Variants in MTREX observed in about 807,000 individuals in gnomAD.
MTREX encodes exosome RNA helicase MTR4.
A neutral mutation model predicts 135.4 loss-of-function variants in MTREX; 76 were observed. That is an observed-to-expected ratio of 0.56 (90% confidence interval 0.47 to 0.68). MTREX has a LOEUF of 0.68. Ranked by LOEUF, MTREX falls within the 30% of genes least tolerant of loss-of-function variation. The probability of loss-of-function intolerance (pLI) is 0.00; values close to 1 mark genes in which losing one functional copy is unlikely to be tolerated. For synonymous variants in MTREX, 404 were observed against 401.6 expected, an observed-to-expected ratio of 1.01 and a Z score of -0.07; for missense variants, 920 against 1,262.1, an observed-to-expected ratio of 0.73 and a Z score of 4.11.
intron 18 of MTREX, among the ~76,000 whole-genome samples, chr5:55,380,607 T>C (rs116592714): frequency 6.6e-6 from 1 of 152,350 alleles, no homozygotes; most frequent in Non-Finnish European, 1.5e-5. Context: ...TTAACATGAC[T>C]GGATTTCTGA....
At chr5:55,417,095 T>G (rs1440915262) in intron 25 of MTREX, among the ~76,000 whole-genome samples, 1 of 152,158 alleles carries the variant, frequency 6.6e-6, no homozygotes, top group Non-Finnish European at 1.5e-5. Flanking sequence ...AATGTTAAAG[T>G]TTATAGCACA....
intron 18 of MTREX, among the ~76,000 whole-genome samples, chr5:55,386,528 A>C (rs545358298): frequency 6.6e-6 from 1 of 152,280 alleles, no homozygotes; most frequent in South Asian, 2.1e-4. Flanking sequence ...ACAATTTAGA[A>C]GGCTTCCTAT....
chr5:55,349,199 T>TTC (rs1185252875), intron 11 of MTREX, among the ~76,000 whole-genome samples: 4 of 151,366 alleles, frequency 2.6e-5, no homozygotes, highest in Admixed American at 6.6e-5. Flanking sequence ...TTTTTTTTTT[T>TTC]TTTCTGAGAT....
chr5:55,402,443 T>C (rs1225267924), intron 21 of MTREX, among the ~76,000 whole-genome samples: 1 of 152,168 alleles, frequency 6.6e-6, no homozygotes, highest in Admixed American at 6.5e-5. Flanking sequence ...GACTTGAGCG[T>C]GATTGAATGA....
At chr5:55,332,794 A>G (rs918008708) in intron 5 of MTREX, among the ~76,000 whole-genome samples, 4 of 152,198 alleles carry the variant, frequency 2.6e-5, no homozygotes, top group Admixed American at 6.5e-5. Context: ...TTAAATTTCT[A>G]CATACATTTC....
intron 25 of MTREX, among the ~76,000 whole-genome samples, chr5:55,417,816 A>G (rs1226386905): frequency 6.6e-6 from 1 of 152,234 alleles, no homozygotes; most frequent in African/African-American, 2.4e-5. Flanking sequence ...CAATACTCAT[A>G]TTTGTATAAT....
intron 19 of MTREX, among the ~76,000 whole-genome samples, chr5:55,396,509 A>G (rs1750649469): frequency 6.6e-6 from 1 of 152,218 alleles, no homozygotes; most frequent in African/African-American, 2.4e-5. Flanking sequence ...AGGAAGAAAG[A>G]AAAAACACCC....
intron 19 of MTREX, among the ~76,000 whole-genome samples, chr5:55,396,868 A>C (rs1156928776): frequency 3.3e-5 from 5 of 152,212 alleles, no homozygotes; most frequent in African/African-American, 1.2e-4. Flanking sequence ...AGAGCAGTTG[A>C]AAGGAAGCAA....
intron 6 of MTREX, 59 bp downstream of exon 6, chr5:55,340,243 C>G: frequency 7.6e-7 from 1 of 1,311,084 alleles, no homozygotes; most frequent in Non-Finnish European, 1.0e-6. Flanking sequence ...TGTGACTATT[C>G]AGTTAGAACC....
At chr5:55,328,625 T>C in intron 4 of MTREX, 74 bp from the exon 5 acceptor site, 1 of 986,368 alleles carries the variant, frequency 1.0e-6, no homozygotes, top group Non-Finnish European at 1.6e-6. Flanking sequence ...GGTAGCCTGC[T>C]TGTGTTTTGA....
chr5:55,409,868 C>T (rs1266824635), intron 22 of MTREX, among the ~76,000 whole-genome samples: 3 of 152,112 alleles, frequency 2.0e-5, no homozygotes, highest in Non-Finnish European at 2.9e-5. Context: ...TTTAAAGGCT[C>T]TTGCCCATCT....
intron 15 of MTREX, among the ~76,000 whole-genome samples, chr5:55,360,008 T>C (rs1020681718): frequency 1.3e-5 from 2 of 152,160 alleles, no homozygotes; most frequent in Non-Finnish European, 2.9e-5. Context: ...TTCATAGAGT[T>C]TTGTCACCAT....
In MTREX at chr5:55,415,998, C is replaced by T. The variant is rs1338638309; in HGVS notation, c.2837C>T (p.Ser946Leu). 1 of 1,590,580 alleles carries T rather than the reference C, an allele frequency of 6.3e-7. No individual in the cohort carries two copies. The highest frequency in any genetic ancestry group is 1.4e-5 in the African/African-American group (1 of 73,076). ...TGTGCTAAAAGAATTGCAAAAGTTT[C>T]AGCAGAAGCCAAATTGGAAATTGAT... ...QECAKRIAKV[S>L]AEAKLEIDEE... The change falls in exon 25 of 27, where the codon TCA becomes TTA. Residue 946 changes from serine (S) to leucine (L), a missense_variant. By Grantham distance (145) the Ser-to-Leu change is moderately radical. Coordinates refer to ENST00000230640, the MANE Select transcript of MTREX (RefSeq NM_015360.5).
At chr5:55,319,539 G>A (rs1279731152) in intron 1 of MTREX, among the ~76,000 whole-genome samples, 1 of 152,120 alleles carries the variant, frequency 6.6e-6, no homozygotes, top group Non-Finnish European at 1.5e-5. Context: ...GGGCTTAATG[G>A]CCAATTTGGT....
In MTREX at chr5:55,397,328, T is replaced by C. The variant is rs183624446; in HGVS notation, c.2182-88T>C. On this transcript the variant is annotated intron_variant, in intron 19 of 26. Coordinates refer to ENST00000230640, the MANE Select transcript of MTREX (RefSeq NM_015360.5). Reference sequence around the variant, plus strand: ...ACCTGTTACATACCATAAATGCAACTTCCTCTTTAGGGATCCAAGTTTAGG... The same window carrying C: ...ACCTGTTACATACCATAAATGCAACCTCCTCTTTAGGGATCCAAGTTTAGG... 60 of 741,940 alleles carry C rather than the reference T, an allele frequency of 8.1e-5. 1 individual carries two copies. The East Asian group carries it at 9.5e-4, about 12-fold the overall frequency. The allele number at this position is 741,940 out of a possible 1,614,324, so 46.0% of individuals were successfully genotyped here.
intron 18 of MTREX, among the ~76,000 whole-genome samples, chr5:55,380,634 T>A (rs531024751): frequency 6.6e-6 from 1 of 152,334 alleles, no homozygotes; most frequent in African/African-American, 2.4e-5. Flanking sequence ...TCCCAGTTTG[T>A]CATGATATAT....
intron 21 of MTREX, among the ~76,000 whole-genome samples, chr5:55,401,995 A>C: frequency 6.6e-6 from 1 of 152,168 alleles, no homozygotes; most frequent in East Asian, 1.9e-4. Flanking sequence ...CAGATGTTTC[A>C]TTTTAACTTT....
chr5:55,372,551 A>T (rs1343284816), intron 16 of MTREX, among the ~76,000 whole-genome samples: 1 of 152,176 alleles, frequency 6.6e-6, no homozygotes, highest in Non-Finnish European at 1.5e-5. Flanking sequence ...TTTGCAGATT[A>T]AGAAACTGAA....
chr5:55,424,580 G>A lies in MTREX; in HGVS notation c.3077-140G>A, dbSNP rs138349382. 6.9e-4 allele frequency: 425 copies of A among 612,198 alleles called. 2 individuals are homozygous for A. The African/African-American group carries it at 7.5e-3, about 11-fold the overall frequency. The allele number at this position is 612,198 out of a possible 1,614,324, so 37.9% of individuals were successfully genotyped here. A position where few individuals can be genotyped will look rare whatever the true frequency, so the allele number is the denominator to read the frequency against. Reference sequence around the variant, plus strand: ...GAGGTGGCTGCAAATTCCTCTAGGTGTTCAGCAAGGTGTTTGACTTTCTAG... The same window carrying A: ...GAGGTGGCTGCAAATTCCTCTAGGTATTCAGCAAGGTGTTTGACTTTCTAG... On this transcript the variant is annotated intron_variant, in intron 26 of 26. Coordinates refer to ENST00000230640, the MANE Select transcript of MTREX (RefSeq NM_015360.5).
Sources: gnomAD v4.1 joint callset for allele counts (sites outside exome capture counted in the v4.1 genomes callset) on GRCh38, gnomAD v4.1.1 for gene constraint, MANE v1.5 for transcripts, NCBI Gene and HGNC (gene_info 2026-07-23, HGNC 2026-07-21) for gene names.